Variants in TBP observed in about 807,000 individuals in gnomAD.
The protein encoded by TBP is TATA-box binding protein.
In TBP, 12 loss-of-function variants were observed where a neutral mutation model predicts 46.2. The ratio of observed to expected loss-of-function variants is 0.26; its 90% CI spans 0.17 to 0.42. The LOEUF is 0.42. TBP is among the 10% of genes least tolerant of loss of function. The pLI, the probability that TBP is intolerant of heterozygous loss-of-function variation, is 1.00. For missense variants in TBP, 229 were observed against 403.1 expected, an observed-to-expected ratio of 0.57 and a Z score of 3.70; for synonymous variants, 157 against 148.3, an observed-to-expected ratio of 1.06 and a Z score of -0.42.
chr6:170,568,816 T>TTTTC (rs1562362281), intron 5 of TBP, among the ~76,000 whole-genome samples: 702 of 58,950 alleles, frequency 0.012, 178 homozygotes, highest in African/African-American at 0.047. Context: ...TTTCCTTTTC[T>TTTTC]TTTTTTTTTT....
In TBP at chr6:170,564,221, GAGAC is replaced by G. The variant is rs572482452; in HGVS notation, c.498-315_498-312del. On this transcript the variant is annotated intron_variant, in intron 3 of 7. Coordinates refer to ENST00000392092, the MANE Select transcript of TBP (RefSeq NM_003194.5). ...GTGAGAAGGCTAAGGGCAGGCTCTG[GAGAC>G]AGACAGACTCAAATCCTGGCTCCTC... Among the ~76,000 whole-genome samples the G allele has an allele frequency of 2.4e-3, 362 of 152,316 alleles. 1 individual carries two copies. Among genetic ancestry groups the G allele is most frequent in the African/African-American group, 8.2e-3 (341 of 41,558 alleles).
chr6:170,566,752 T>C (rs1253950545), intron 4 of TBP, among the ~76,000 whole-genome samples, 166 bp from the exon 5 acceptor site: 1 of 152,252 alleles, frequency 6.6e-6, no homozygotes, highest in Non-Finnish European at 1.5e-5. Context: ...ACATGTGGTG[T>C]ATGCAAATCC....
chr6:170,565,298 C>T (rs1399971120), intron 4 of TBP, among the ~76,000 whole-genome samples: 4 of 152,164 alleles, frequency 2.6e-5, no homozygotes, highest in Non-Finnish European at 5.9e-5. Context: ...GTACAGCAGT[C>T]TATAAAATAA....
intron 2 of TBP, 84 bp downstream of exon 2, chr6:170,557,167 A>G: frequency 7.6e-7 from 1 of 1,315,094 alleles, no homozygotes; most frequent in South Asian, 1.2e-5. Context: ...AGGGCATTTA[A>G]TGATCTGTTT....
intron 3 of TBP, among the ~76,000 whole-genome samples, chr6:170,563,061 T>C (rs1414910779): frequency 1.3e-5 from 2 of 152,142 alleles, no homozygotes; most frequent in South Asian, 2.1e-4. Flanking sequence ...ATGCTGACTT[T>C]CACCCAAAGA....
In TBP at chr6:170,557,037, A is replaced by G; in HGVS notation, c.8A>G (p.Gln3Arg). The change falls in exon 2 of 8, where the codon CAG (glutamine) becomes CGG (arginine). Residue 3 changes from glutamine (Q) to arginine (R), a missense_variant. Around this residue, in one of 4 missense-constraint regions of TBP, gnomAD observed 49 missense variants for 94.7 expected, o/e 0.52. Transcript: ENST00000392092. ...AAGAAGAAAGTGAACATCATGGATC[A>G]GAACAACAGCCTGCCACCTTACGCT... MDQNNSLPPYAQG... is the reference protein window; with the variant it reads MDRNNSLPPYAQG... 2 of 1,614,140 alleles carry G rather than the reference A, an allele frequency of 1.2e-6. No homozygotes were observed. The highest frequency in any genetic ancestry group is 1.7e-6 in the Non-Finnish European group (2 of 1,179,996).
chr6:170,565,304 A>G (rs1779224854), intron 4 of TBP, among the ~76,000 whole-genome samples: 1 of 152,240 alleles, frequency 6.6e-6, no homozygotes, highest in Non-Finnish European at 1.5e-5. Context: ...CAGTCTATAA[A>G]ATAAGCTAAG....
At chr6:170,558,216 T>G (rs1363759917) in intron 2 of TBP, among the ~76,000 whole-genome samples, 1 of 152,242 alleles carries the variant, frequency 6.6e-6, no homozygotes, top group East Asian at 1.9e-4. Context: ...GGGTAAATAC[T>G]TAGGAGTAGG....
intron 2 of TBP, among the ~76,000 whole-genome samples, 196 bp downstream of exon 2, chr6:170,557,279 A>C (rs1401055944): frequency 6.6e-6 from 1 of 152,158 alleles, no homozygotes; most frequent in Non-Finnish European, 1.5e-5. Flanking sequence ...CTGGAAGCTA[A>C]GTTATATATT....
chr6:170,555,425 T>C (rs1364225815), intron 1 of TBP, among the ~76,000 whole-genome samples: 1 of 151,888 alleles, frequency 6.6e-6, no homozygotes, highest in Non-Finnish European at 1.5e-5. Context: ...CATTGAAAAC[T>C]CCTGATAGTA....
Position 170,572,344 on chromosome 6 carries a change from A to G in TBP, c.*79A>G. On this transcript the variant is annotated 3_prime_UTR_variant, in exon 8 of 8. Coordinates refer to ENST00000392092, the MANE Select transcript of TBP (RefSeq NM_003194.5). ...AAATCAGTTTGTTTTGGTACCTTTA[A>G]ATGGTGGTGTTGTGAGAAGATGGAT... 8.5e-7 allele frequency: 1 copy of G among 1,181,052 alleles called. No homozygotes were observed. Among genetic ancestry groups the G allele is most frequent in the Non-Finnish European group, 1.2e-6 (1 of 809,728 alleles). 73.2% of individuals were successfully genotyped at this position (1,181,052 alleles called of 1,614,324 possible).
At chr6:170,562,463 A>C (rs1583128389) in intron 3 of TBP, among the ~76,000 whole-genome samples, 3 of 152,356 alleles carry the variant, frequency 2.0e-5, no homozygotes, top group South Asian at 4.1e-4. Flanking sequence ...TTGTGTTTAC[A>C]TACCTGAGCC....
chr6:170,560,474 G>A (rs1779120743), intron 2 of TBP, among the ~76,000 whole-genome samples: 1 of 152,204 alleles, frequency 6.6e-6, no homozygotes, highest in Admixed American at 6.5e-5. Context: ...AAGAAAGGAA[G>A]CAGGGAGGGA....
Position 170,562,068 on chromosome 6 carries a change from C to T in TBP, c.332C>T (p.Thr111Ile), listed in dbSNP as rs1779159689. The T allele has an allele frequency of 6.2e-7, 1 of 1,613,978 alleles. No individual in the cohort carries two copies. Among genetic ancestry groups the T allele is most frequent in the African/African-American group, 1.3e-5 (1 of 74,872 alleles). ...CAGCAGTCAACGTCCCAGCAGGCAA[C>T]ACAGGGAACCTCAGGCCAGGCACCA... is the stretch of plus-strand genomic sequence containing the variant. ...AVQQSTSQQA[T>I]QGTSGQAPQL... The change falls in exon 3 of 8, where the codon ACA (threonine) becomes ATA (isoleucine). Residue 111 changes from threonine to isoleucine, a missense_variant. Physicochemically the swap from Thr to Ile is moderately conservative, Grantham distance 89 (BLOSUM62 -1). Coordinates refer to ENST00000392092, the MANE Select transcript of TBP (RefSeq NM_003194.5).
chr6:170,572,123 C>A, intron 7 of TBP, 63 bp from the exon 8 acceptor site: 1 of 1,292,438 alleles, frequency 7.7e-7, no homozygotes, highest in Non-Finnish European at 1.1e-6. Flanking sequence ...AGAATTTTAC[C>A]ATCTTAATAT....
At chr6:170,560,829 GAA>G (rs1037755222) in intron 2 of TBP, among the ~76,000 whole-genome samples, 3 of 152,212 alleles carry the variant, frequency 2.0e-5, no homozygotes, top group African/African-American at 7.2e-5. Flanking sequence ...AGTAAGCAAA[GAA>G]AGTGGTTTCT....
intron 7 of TBP, among the ~76,000 whole-genome samples, chr6:170,571,850 G>A (rs927211912): frequency 6.6e-6 from 1 of 151,870 alleles, no homozygotes; most frequent in Non-Finnish European, 1.5e-5. Flanking sequence ...CTAGTTGAAG[G>A]CAGCAATTCA....
Position 170,572,750 on chromosome 6 carries a change from CT to C in TBP, c.*486del, listed in dbSNP as rs2115005006. On this transcript the variant is annotated 3_prime_UTR_variant, in exon 8 of 8. Coordinates refer to ENST00000392092, the MANE Select transcript of TBP (RefSeq NM_003194.5). Reference sequence around the variant, plus strand: ...TTTCTGTGCCAGACACATTCCACCTCTCCAGTATTGCAGGACAGAATATATG... The same window carrying C: ...TTTCTGTGCCAGACACATTCCACCTCCCAGTATTGCAGGACAGAATATATG... The C allele has an allele frequency of 6.3e-6, 1 of 159,250 alleles. No individual in the cohort carries two copies. Among genetic ancestry groups the C allele is most frequent in the Admixed American group, 6.3e-5 (1 of 15,840 alleles). The allele number at this position is 159,250 out of a possible 1,614,324, so 9.9% of individuals were successfully genotyped here.
At position 170,561,805 on chromosome 6, in the gene TBP, C is replaced by G. The variant is rs777182875; in HGVS notation, c.69C>G (p.Pro23=). ...GLASPQGAMT[P]GIPIFSPMMP... ...GCTTTCCACAGGGTGCCATGACTCCCGGAATCCCTATCTTTAGTCCAATGA... is the reference window on the plus strand; with the variant it reads ...GCTTTCCACAGGGTGCCATGACTCCGGGAATCCCTATCTTTAGTCCAATGA... The change falls in exon 3 of 8, where the codon CCC becomes CCG. Residue 23 remains proline (P), a synonymous_variant. Coordinates refer to ENST00000392092, the MANE Select transcript of TBP (RefSeq NM_003194.5). The G allele has an allele frequency of 6.2e-7, 1 of 1,609,014 alleles. No homozygotes were observed. Among genetic ancestry groups the G allele is most frequent in the Non-Finnish European group, 8.5e-7 (1 of 1,175,688 alleles).
Sources: gnomAD v4.1 joint callset for allele counts (sites outside exome capture counted in the v4.1 genomes callset) on GRCh38, gnomAD v4.1.1 for gene constraint, gnomAD v4.1.1 regional missense constraint, MANE v1.5 for transcripts, NCBI Gene and HGNC (gene_info 2026-07-23, HGNC 2026-07-21) for gene names.